Variants in PCDHA13 observed in about 807,000 individuals in gnomAD.
PCDHA13 encodes the protein protocadherin alpha-13.
A neutral mutation model predicts 64.8 loss-of-function variants in PCDHA13; 54 were observed. That is an observed-to-expected ratio of 0.83 (90% confidence interval 0.67 to 1.04). The LOEUF (loss-of-function observed/expected upper bound fraction) is 1.04. Among genes scored for constraint, PCDHA13 ranks in the 50% least tolerant of loss-of-function variants. PCDHA13 has a pLI of 0.00. For missense variants in PCDHA13, 1,248 were observed against 1,254.3 expected (o/e 0.99, Z 0.08); for synonymous variants, 587 against 564.4 (o/e 1.04, Z -0.57).
chr5:140,942,237 T>C (rs2153657846), intron 1 of PCDHA13, among the ~76,000 whole-genome samples: 1 of 152,214 alleles, frequency 6.6e-6, no homozygotes, highest in East Asian at 1.9e-4. Context: ...GCAAATAAGA[T>C]ATCCATATCA....
chr5:140,915,744 G>A (rs2077291791), intron 1 of PCDHA13, among the ~76,000 whole-genome samples: 1 of 151,896 alleles, frequency 6.6e-6, no homozygotes, highest in South Asian at 2.1e-4. Flanking sequence ...CAGACCTATA[G>A]CCAGCACAGC....
In PCDHA13 at chr5:141,010,147, C is replaced by T. The variant is rs895381983; in HGVS notation, c.*210C>T. ...AAGTCTGGTGTTAACTCTTTCTCTC[C>T]ACTCTGGCTTGTTTTCAGAACCTAA... On this transcript the variant is annotated 3_prime_UTR_variant, in exon 4 of 4. Coordinates refer to ENST00000289272, the MANE Select transcript of PCDHA13 (RefSeq NM_018904.3). 3.2e-6 allele frequency: 5 copies of T among 1,583,190 alleles called. No homozygotes were observed. The highest frequency in any genetic ancestry group is 4.3e-6 in the Non-Finnish European group (5 of 1,163,606).
At chr5:140,886,155 T>C (rs528104847) in intron 1 of PCDHA13, among the ~76,000 whole-genome samples, 1 of 152,212 alleles carries the variant, frequency 6.6e-6, no homozygotes, top group African/African-American at 2.4e-5. Context: ...CACCTTTTTA[T>C]AGCCACATCT....
chr5:140,963,977 C>A (rs1311264244), intron 1 of PCDHA13, among the ~76,000 whole-genome samples: 1 of 152,164 alleles, frequency 6.6e-6, no homozygotes, highest in Non-Finnish European at 1.5e-5. Flanking sequence ...ACTCCAAAGT[C>A]TATATTCCTA....
chr5:140,969,803 T>G, intron 1 of PCDHA13, among the ~76,000 whole-genome samples: 1 of 152,248 alleles, frequency 6.6e-6, no homozygotes, highest in South Asian at 2.1e-4. Context: ...ATCTGCTGTC[T>G]CTGTTTATAC....
chr5:140,956,706 G>A (rs1166051458), intron 1 of PCDHA13, among the ~76,000 whole-genome samples: 2 of 152,172 alleles, frequency 1.3e-5, no homozygotes, highest in African/African-American at 4.8e-5. Flanking sequence ...GTTTGGAATA[G>A]CTTCAGAAGA....
At chr5:140,893,261 C>T (rs2063902016) in intron 1 of PCDHA13, among the ~76,000 whole-genome samples, 1 of 152,104 alleles carries the variant, frequency 6.6e-6, no homozygotes, top group Non-Finnish European at 1.5e-5. Context: ...TGGATAAATG[C>T]CCAATAGTGG....
intron 1 of PCDHA13, among the ~76,000 whole-genome samples, chr5:140,888,739 GA>G (rs782625301): frequency 6.6e-6 from 1 of 151,978 alleles, no homozygotes; most frequent in Non-Finnish European, 1.5e-5. Flanking sequence ...TGAGCTCTAG[GA>G]ATTATTCTAC....
Position 141,011,434 on chromosome 5 carries a change from C to A in PCDHA13, c.*1497C>A, listed in dbSNP as rs934032017. 6.5e-6 allele frequency: 1 copy of A among 153,726 alleles called. No homozygotes were observed. Among genetic ancestry groups the A allele is most frequent in the African/African-American group, 2.4e-5 (1 of 41,446 alleles). The allele number at this position is 153,726 out of a possible 1,614,324, so 9.5% of individuals were successfully genotyped here. The stretch of plus-strand genomic sequence containing the variant: ...ATGTGAATGTTAATGCAACTATTAC[C>A]TAGAGTGAACTTTAAGCTTTATTGT... On this transcript the variant is annotated 3_prime_UTR_variant, in exon 4 of 4. Transcript: ENST00000289272.
In PCDHA13 at chr5:140,974,947, C is replaced by T. The variant is rs145175873; in HGVS notation, c.2395-4002C>T. On this transcript the variant is annotated intron_variant, in intron 1 of 3. Coordinates refer to ENST00000289272, the MANE Select transcript of PCDHA13 (RefSeq NM_018904.3). ...GTTTAAAACACCACCTATTTGTTAT[C>T]TCACAGTCCTGTACCATGTGGCTGA... is the stretch of plus-strand genomic sequence containing the variant. 2.7e-3 allele frequency among the ~76,000 whole-genome samples: 417 copies of T among 152,322 alleles called. 3 individuals carry two copies. The highest frequency in any genetic ancestry group is 2.1e-3 in the Non-Finnish European group (142 of 68,022).
chr5:140,902,142 A>T (rs2069127125), intron 1 of PCDHA13, among the ~76,000 whole-genome samples: 1 of 151,120 alleles, frequency 6.6e-6, no homozygotes, highest in African/African-American at 2.4e-5. Flanking sequence ...GCAAACAAGG[A>T]TAATTTGATT....
intron 2 of PCDHA13, among the ~76,000 whole-genome samples, chr5:140,981,116 A>G (rs533489885): frequency 6.6e-6 from 1 of 152,344 alleles, no homozygotes; most frequent in African/African-American, 2.4e-5. Flanking sequence ...TCTACTGGAT[A>G]TGTTGTTTGA....
Position 140,882,325 on chromosome 5 carries a change from G to A in PCDHA13, c.57G>A (p.Leu19=), listed in dbSNP as rs2059066855. 1 of 1,614,182 alleles carries A rather than the reference G, an allele frequency of 6.2e-7. No individual in the cohort carries two copies. The highest frequency in any genetic ancestry group is 8.5e-7 in the Non-Finnish European group (1 of 1,180,044). The change falls in exon 1 of 4, where the codon CTG becomes CTA. Residue 19 remains leucine, a synonymous_variant. Transcript: ENST00000289272. ...PRPRQLLLWL[L]ILAAWETGSG... ...CGCGGCAACTACTGCTCTGGCTTCT[G>A]ATCCTCGCAGCCTGGGAGACGGGTA... is the stretch of plus-strand genomic sequence containing the variant.
At chr5:140,909,926 A>G (rs781804027) in intron 1 of PCDHA13, among the ~76,000 whole-genome samples, 4 of 152,190 alleles carry the variant, frequency 2.6e-5, no homozygotes, top group Admixed American at 2.6e-4. Flanking sequence ...CCTTTCCCCA[A>G]TCACAGTTAC....
intron 1 of PCDHA13, chr5:140,927,331 A>T: frequency 6.2e-7 from 1 of 1,614,134 alleles, no homozygotes; most frequent in Non-Finnish European, 8.5e-7. Flanking sequence ...TACTCTCCCG[A>T]ATGCCCAAGA....
intron 1 of PCDHA13, among the ~76,000 whole-genome samples, chr5:140,978,316 A>AC (rs1370469532): frequency 5.4e-4 from 83 of 152,358 alleles, no homozygotes; most frequent in African/African-American, 1.9e-3. Context: ...AGGAGCAGGA[A>AC]CAAGTACAAG....
intron 1 of PCDHA13, among the ~76,000 whole-genome samples, chr5:140,921,651 C>T (rs155817): frequency 0.33 from 49,637 of 151,902 alleles, 8,394 homozygotes; most frequent in East Asian, 0.53. Context: ...TTTAAGGGAA[C>T]TTAATAAAAA....
chr5:140,884,797 T>A, intron 1 of PCDHA13, 135 bp downstream of exon 1: 1 of 1,276,990 alleles, frequency 7.8e-7, no homozygotes, highest in Non-Finnish European at 1.1e-6. Flanking sequence ...TTATCGAATT[T>A]AACAACTCTG....
Position 141,000,393 on chromosome 5 carries a change from CTCTATA to C in PCDHA13, c.2543-9232_2543-9227del, listed in dbSNP as rs1213195269. 6.1e-3 allele frequency among the ~76,000 whole-genome samples: 322 copies of C among 52,630 alleles called. 2 individuals are homozygous for C. Among genetic ancestry groups the C allele is most frequent in the Admixed American group, 0.01 (36 of 3,506 alleles). 34.5% of individuals were successfully genotyped at this position (52,630 alleles called of 152,430 possible). A position where few individuals can be genotyped will look rare whatever the true frequency, so the allele number is the denominator to read the frequency against. ...TCTCTCTCTCTCTCTCTCTCTCTCT[CTCTATA>C]TATATATATATATATATATATATTT... On this transcript the variant is annotated intron_variant, in intron 3 of 3. Transcript: ENST00000289272.
Sources: gnomAD v4.1 joint callset for allele counts (sites outside exome capture counted in the v4.1 genomes callset) on GRCh38, gnomAD v4.1.1 for gene constraint, MANE v1.5 for transcripts, NCBI Gene and HGNC (gene_info 2026-07-23, HGNC 2026-07-21) for gene names.